MGAT5: variants seen among roughly 807,000 people sequenced by gnomAD.
MGAT5 encodes alpha-1,6-mannosylglycoprotein 6-beta-N-acetylglucosaminyltransferase, also known as alpha-1,6-mannosylglycoprotein 6-beta-N-acetylglucosaminyltransferase A.
A neutral mutation model predicts 94.3 loss-of-function variants in MGAT5; 30 were observed. The ratio of observed to expected loss-of-function variants is 0.32; its 90% CI spans 0.24 to 0.43. MGAT5 has a LOEUF of 0.43. MGAT5 is among the 20% of genes least tolerant of loss of function. The probability of loss-of-function intolerance (pLI) is 1.00; values close to 1 mark genes in which losing one functional copy is unlikely to be tolerated. For synonymous variants in MGAT5, 310 were observed against 322.9 expected, an observed-to-expected ratio of 0.96 and a Z score of 0.43; for missense variants, 691 against 905.5, an observed-to-expected ratio of 0.76 and a Z score of 3.04.
chr2:134,364,419 G>C (rs530742348), intron 10 of MGAT5, among the ~76,000 whole-genome samples: 50 of 152,234 alleles, frequency 3.3e-4, no homozygotes, highest in African/African-American at 1.1e-3. Flanking sequence ...AGAACCACTT[G>C]TACCTGGGAG....
chr2:134,213,694 T>C (rs556618450), intron 1 of MGAT5, among the ~76,000 whole-genome samples: 10 of 152,300 alleles, frequency 6.6e-5, no homozygotes, highest in African/African-American at 2.4e-4. Context: ...TCAGAAACAT[T>C]TACTTATATT....
At position 134,449,279 on chromosome 2, in the gene MGAT5, G is replaced by T; in HGVS notation, c.*432G>T. The T allele has an allele frequency of 4.7e-6, 1 of 214,558 alleles. No individual in the cohort carries two copies. Among genetic ancestry groups the T allele is most frequent in the East Asian group, 1.2e-4 (1 of 8,482 alleles). 13.3% of individuals were successfully genotyped at this position (214,558 alleles called of 1,614,324 possible). A position where few individuals can be genotyped will look rare whatever the true frequency, so the allele number is the denominator to read the frequency against. ...GGAGGGGACCGCGGGAGGGAGAGGA[G>T]GGATTGATCACAGGCTTCTTTTATT... On this transcript the variant is annotated 3_prime_UTR_variant, in exon 16 of 16. Coordinates refer to ENST00000281923, the MANE Select transcript of MGAT5 (RefSeq NM_002410.5).
chr2:134,213,440 C>T (rs1431623557), intron 1 of MGAT5, among the ~76,000 whole-genome samples: 2 of 151,568 alleles, frequency 1.3e-5, no homozygotes, highest in African/African-American at 4.8e-5. Context: ...TTTTTCCCCT[C>T]ACACCAATGA....
At chr2:134,320,262 C>T (rs935833986) in intron 4 of MGAT5, among the ~76,000 whole-genome samples, 5 of 152,152 alleles carry the variant, frequency 3.3e-5, no homozygotes, top group African/African-American at 7.2e-5. Context: ...ATGCGTAAGG[C>T]TAGGTTTGGG....
chr2:134,403,662 T>C (rs983136304), intron 11 of MGAT5, among the ~76,000 whole-genome samples: 2 of 152,122 alleles, frequency 1.3e-5, no homozygotes. Context: ...AGATGAAAGA[T>C]GGATGGAGTG....
upstream of MGAT5, among the ~76,000 whole-genome samples, chr2:134,251,271 T>A (rs1263099408): frequency 1.3e-5 from 2 of 151,992 alleles, no homozygotes; most frequent in African/African-American, 2.4e-5. Context: ...CAGAGTGTAA[T>A]TCTGATGGGG....
chr2:134,382,785 G>A (rs548230964), intron 10 of MGAT5, among the ~76,000 whole-genome samples: 76 of 152,308 alleles, frequency 5.0e-4, no homozygotes, highest in African/African-American at 1.7e-3. Context: ...ACATTGGGGC[G>A]GCCAGACTGC....
At chr2:134,154,240 C>G (rs1687371097) in intron 1 of MGAT5, among the ~76,000 whole-genome samples, 1 of 152,178 alleles carries the variant, frequency 6.6e-6, no homozygotes, top group African/African-American at 2.4e-5. Context: ...CAGAGGGGCA[C>G]TTGGCCCTCT....
rs756007645 is a variant in MGAT5, at chr2:134,441,745, AT to A, written c.1870-11del. ...CCTTGGACCTGTGGCTGATGGCTTC[AT>A]TGTCGTTCTAGGACTTCTGCCATGG... On this transcript the variant is annotated splice_polypyrimidine_tract_variant and intron_variant, in intron 14 of 15. Coordinates refer to ENST00000281923, the MANE Select transcript of MGAT5 (RefSeq NM_002410.5). 6.2e-7 allele frequency: 1 copy of A among 1,603,272 alleles called. No individual in the cohort carries two copies. The highest frequency in any genetic ancestry group is 8.5e-7 in the Non-Finnish European group (1 of 1,172,036).
chr2:134,401,352 AC>A (rs1683043202), intron 10 of MGAT5, among the ~76,000 whole-genome samples: 1 of 152,136 alleles, frequency 6.6e-6, no homozygotes, highest in Admixed American at 6.5e-5. Flanking sequence ...CTCCCTGTAT[AC>A]AGGATTCTGA....
intron 4 of MGAT5, among the ~76,000 whole-genome samples, chr2:134,333,538 C>A (rs942802980): frequency 2.0e-5 from 3 of 150,394 alleles, no homozygotes; most frequent in Non-Finnish European, 4.4e-5. Context: ...TACATATGTA[C>A]CTAACCTGCA....
intron 1 of MGAT5, among the ~76,000 whole-genome samples, chr2:134,122,623 C>G (rs985204697): frequency 6.6e-6 from 1 of 152,222 alleles, no homozygotes; most frequent in Non-Finnish European, 1.5e-5. Context: ...GGAAGTTGCT[C>G]TGTCTGGCAT....
chr2:134,126,649 C>T (rs1339091747), intron 1 of MGAT5, among the ~76,000 whole-genome samples: 3 of 152,122 alleles, frequency 2.0e-5, no homozygotes, highest in African/African-American at 7.2e-5. Flanking sequence ...TACTTTCAGC[C>T]CTGAAATAAC....
At position 134,349,874 on chromosome 2, in the gene MGAT5, G is replaced by T; in HGVS notation, c.1182G>T (p.Ser394=). 2 of 1,613,584 alleles carry T rather than the reference G, an allele frequency of 1.2e-6. No homozygotes were observed. Among genetic ancestry groups the T allele is most frequent in the South Asian group, 1.1e-5 (1 of 91,066 alleles). ...TTAATCATGCAAATTATGCCCAATC[G>T]AAAGGCCACAAGACCCCTTGGGGAA... The part of the protein sequence containing the change: ...PEFNHANYAQ[S]KGHKTPWGKW... Residue 394 remains serine (S), a synonymous_variant, in exon 9 of 16, where the codon TCG becomes TCT. Transcript: ENST00000281923.
At chr2:134,425,443 C>G (rs1236595057) in intron 13 of MGAT5, among the ~76,000 whole-genome samples, 2 of 150,284 alleles carry the variant, frequency 1.3e-5, no homozygotes, top group East Asian at 3.9e-4. Flanking sequence ...TTCTTTCTTT[C>G]TTTTTAAGTG....
chr2:134,310,798 A>G (rs1227465346), intron 2 of MGAT5, among the ~76,000 whole-genome samples: 5 of 152,222 alleles, frequency 3.3e-5, no homozygotes, highest in Admixed American at 2.0e-4. Flanking sequence ...ACTATATTCC[A>G]TCATGGCTGG....
intron 1 of MGAT5, among the ~76,000 whole-genome samples, chr2:134,242,182 G>T (rs959369218): frequency 1.3e-5 from 2 of 152,176 alleles, no homozygotes; most frequent in Non-Finnish European, 2.9e-5. Flanking sequence ...GCAGTGCAAG[G>T]TGTGTGTTGG....
intron 1 of MGAT5, among the ~76,000 whole-genome samples, chr2:134,144,732 T>C (rs62165680): frequency 0.18 from 27,262 of 152,200 alleles, 2,719 homozygotes; most frequent in Non-Finnish European, 0.23. Flanking sequence ...AAATAAGTCA[T>C]ATATATTAGG....
chr2:134,437,546 G>C lies in MGAT5; in HGVS notation c.1870-4212G>C, dbSNP rs554504586. Among the ~76,000 whole-genome samples, 9 of 152,304 alleles carry C rather than the reference G, an allele frequency of 5.9e-5. No homozygotes were observed. The East Asian group carries it at 1.7e-3, about 29-fold the overall frequency. Reference sequence around the variant, plus strand: ...GACTGGGTCAAGCCAAATCCAAGGTGCAGAGAGAAACATTCCCACTTGGCT... The same window carrying C: ...GACTGGGTCAAGCCAAATCCAAGGTCCAGAGAGAAACATTCCCACTTGGCT... On this transcript the variant is annotated intron_variant, in intron 14 of 15. Coordinates refer to ENST00000281923, the MANE Select transcript of MGAT5 (RefSeq NM_002410.5).
Sources: allele counts gnomAD v4.1 joint callset (sites outside exome capture counted in the v4.1 genomes callset), GRCh38; gene constraint gnomAD v4.1.1; transcripts MANE v1.5; gene names NCBI Gene and HGNC (gene_info 2026-07-23, HGNC 2026-07-21).